GPD2: variants seen among roughly 807,000 people sequenced by gnomAD.
The protein encoded by GPD2 is glycerol-3-phosphate dehydrogenase 2, also known as glycerol-3-phosphate dehydrogenase, mitochondrial.
GPD2 carries 54 observed loss-of-function variants against 82.4 expected under a neutral mutation model. The ratio of observed to expected loss-of-function variants is 0.66; its 90% CI spans 0.53 to 0.82. The LOEUF is 0.82. GPD2 is among the 40% of genes least tolerant of loss of function. The pLI, the probability that GPD2 is intolerant of heterozygous loss-of-function variation, is 0.00. For synonymous variants in GPD2, 288 were observed against 306.1 expected (o/e 0.94, Z 0.62); for missense variants, 748 against 896.2 (o/e 0.83, Z 2.11).
intron 1 of GPD2, among the ~76,000 whole-genome samples, chr2:156,438,469 C>G (rs1428300896): frequency 6.6e-6 from 1 of 152,116 alleles, no homozygotes; most frequent in African/African-American, 2.4e-5. Context: ...CATGAATTAT[C>G]CGTACATTTT....
chr2:156,536,783 C>G (rs954000604), intron 6 of GPD2, among the ~76,000 whole-genome samples: 2 of 152,178 alleles, frequency 1.3e-5, no homozygotes, highest in African/African-American at 4.8e-5. Context: ...ATCTTAATAG[C>G]CATCCCACTC....
rs186465283 is a variant in GPD2 at position 156,584,590 on chromosome 2, T to C, written c.*1672T>C. On this transcript the variant is annotated 3_prime_UTR_variant, in exon 17 of 17. Transcript: ENST00000438166. Reference sequence around the variant, plus strand: ...GCTCATTTTGTTTTTAAATGAGGTTTTAGACGCTTGCCACTTCCTAAGGGA... The same window carrying C: ...GCTCATTTTGTTTTTAAATGAGGTTCTAGACGCTTGCCACTTCCTAAGGGA... 1 of 152,590 alleles carries C rather than the reference T, an allele frequency of 6.6e-6. No homozygotes were observed. Among genetic ancestry groups the C allele is most frequent in the African/African-American group, 2.4e-5 (1 of 41,548 alleles). 9.5% of individuals were successfully genotyped at this position (152,590 alleles called of 1,614,324 possible).
chr2:156,466,296 C>G (rs1398811539), intron 1 of GPD2, among the ~76,000 whole-genome samples: 1 of 152,184 alleles, frequency 6.6e-6, no homozygotes, highest in Non-Finnish European at 1.5e-5. Flanking sequence ...CTTGCGTGCA[C>G]TAACTATAGT....
chr2:156,456,813 G>A (rs1352415366), intron 1 of GPD2, among the ~76,000 whole-genome samples: 3 of 152,040 alleles, frequency 2.0e-5, no homozygotes, highest in African/African-American at 7.2e-5. Context: ...GGCTGTGGGA[G>A]AGTCTGAGCA....
At chr2:156,413,262 G>C in the GPD2 span, among the ~76,000 whole-genome samples, 1 of 151,978 alleles carries the variant, frequency 6.6e-6, no homozygotes, top group Admixed American at 6.6e-5. Flanking sequence ...ATTCTTTTTA[G>C]AGCTATCTTG....
At chr2:156,582,645 CTCT>C in intron 16 of GPD2, 145 bp from the exon 17 acceptor site, 1 of 819,768 alleles carries the variant, frequency 1.2e-6, no homozygotes, top group Non-Finnish European at 2.0e-6. Context: ...AAAAATTAGA[CTCT>C]TCTTATCTGA....
Position 156,441,645 on chromosome 2 carries a change from C to A in GPD2, c.-9+5132C>A, listed in dbSNP as rs1037116799. On this transcript the variant is annotated intron_variant, in intron 1 of 16. Transcript: ENST00000438166. ...AATTTGAGGATGGGGTTGTAGGAAC[C>A]CCTGATTTGTAGCTAAGTCTAACAG... Among the ~76,000 whole-genome samples the A allele has an allele frequency of 1.3e-5, 2 of 152,208 alleles. 1 individual carries two copies. The highest frequency in any genetic ancestry group is 4.8e-5 in the African/African-American group (2 of 41,530).
chr2:156,540,353 G>A (rs72905845), intron 6 of GPD2, among the ~76,000 whole-genome samples: 15 of 152,264 alleles, frequency 9.9e-5, no homozygotes, highest in East Asian at 1.9e-4. Flanking sequence ...TGAGAGCGTC[G>A]GACTGGCAAA....
intron 1 of GPD2, among the ~76,000 whole-genome samples, chr2:156,447,340 T>G (rs543674262): frequency 6.7e-6 from 1 of 150,282 alleles, no homozygotes; most frequent in Non-Finnish European, 1.5e-5. Flanking sequence ...ATCTCTCTCT[T>G]TTTTTTTTTC....
rs1323961029 is a variant in GPD2, at chr2:156,570,104, C to T, written c.1494C>T (p.Ala498=). The T allele has an allele frequency of 3.1e-6, 5 of 1,611,312 alleles. No individual in the cohort carries two copies. The highest frequency in any genetic ancestry group is 2.2e-5 in the East Asian group (1 of 44,844). Residue 498 remains alanine (A), a synonymous_variant, in exon 12 of 17, where the codon GCC becomes GCT. Coordinates refer to ENST00000438166, the MANE Select transcript of GPD2 (RefSeq NM_000408.5). Reference sequence around the variant, plus strand: ...TTCTCTAGGTGGCACAGCATCTTGCCGCCACCTATGGTGATAAGGCCTTTG... The same window carrying T: ...TTCTCTAGGTGGCACAGCATCTTGCTGCCACCTATGGTGATAAGGCCTTTG... The part of the protein sequence containing the change: ...GLESEVAQHL[A]ATYGDKAFEV...
chr2:156,448,943 C>G (rs2105150791), intron 1 of GPD2, among the ~76,000 whole-genome samples: 1 of 152,304 alleles, frequency 6.6e-6, no homozygotes, highest in Non-Finnish European at 1.5e-5. Flanking sequence ...GAATATGGTC[C>G]TTAACTCCTT....
In GPD2 at chr2:156,584,065, A is replaced by G. The variant is rs576817032; in HGVS notation, c.*1147A>G. 3.9e-5 allele frequency: 6 copies of G among 152,086 alleles called. 1 individual carries two copies. Among genetic ancestry groups the G allele is most frequent in the Admixed American group, 3.9e-4 (6 of 15,248 alleles). The allele number at this position is 152,086 out of a possible 1,614,324, so 9.4% of individuals were successfully genotyped here. ...CTTTCCCCTTCTGTACTCCATGGAA[A>G]TATTCTCAGTAAACCAAAAACAAAA... On this transcript the variant is annotated 3_prime_UTR_variant, in exon 17 of 17. Coordinates refer to ENST00000438166, the MANE Select transcript of GPD2 (RefSeq NM_000408.5).
chr2:156,409,899 G>A, the GPD2 span, among the ~76,000 whole-genome samples: 15 of 152,006 alleles, frequency 9.9e-5, no homozygotes, highest in African/African-American at 3.6e-4. Context: ...CACCAGCCTG[G>A]GTCAACACAG....
At chr2:156,459,485 G>GC (rs1682906858) in intron 1 of GPD2, among the ~76,000 whole-genome samples, 1 of 151,834 alleles carries the variant, frequency 6.6e-6, no homozygotes, top group Non-Finnish European at 1.5e-5. Context: ...AGGAGATTGA[G>GC]ACCATCCTGG....
chr2:156,548,568 G>A (rs1385154950), intron 6 of GPD2, among the ~76,000 whole-genome samples: 1 of 152,086 alleles, frequency 6.6e-6, no homozygotes, highest in Non-Finnish European at 1.5e-5. Context: ...CTTTTAGCTG[G>A]AACAGATTAC....
Position 156,523,103 on chromosome 2 carries a change from C to T in GPD2, c.661+9607C>T, listed in dbSNP as rs376210364. ...ACCTACATGGACACATCATTATCAC[C>T]CAGAGTCCATAGTCTACATGAAGTT... is the stretch of plus-strand genomic sequence containing the variant. On this transcript the variant is annotated intron_variant, in intron 6 of 16. Coordinates refer to ENST00000438166, the MANE Select transcript of GPD2 (RefSeq NM_000408.5). Among the ~76,000 whole-genome samples, 60 of 152,226 alleles carry T rather than the reference C, an allele frequency of 3.9e-4. 1 individual carries two copies. Among genetic ancestry groups the T allele is most frequent in the African/African-American group, 1.4e-3 (57 of 41,534 alleles).
At chr2:156,504,770 T>C (rs2105258861) in intron 3 of GPD2, among the ~76,000 whole-genome samples, 1 of 152,170 alleles carries the variant, frequency 6.6e-6, no homozygotes, top group South Asian at 2.1e-4. Context: ...AAATATTTAT[T>C]GACATGGGTA....
At chr2:156,434,584 A>AG (rs1213646132), upstream of GPD2, among the ~76,000 whole-genome samples, 5 of 152,200 alleles carry the variant, frequency 3.3e-5, no homozygotes, top group African/African-American at 1.2e-4. Context: ...ATCGCCTCTG[A>AG]GCATGAGTGT....
chr2:156,470,196 C>G (rs1006816567), intron 1 of GPD2, among the ~76,000 whole-genome samples: 1 of 151,710 alleles, frequency 6.6e-6, no homozygotes, highest in African/African-American at 2.4e-5. Context: ...TTTTCTTTTT[C>G]TTTTTCTTTT....
Sources: allele counts gnomAD v4.1 joint callset (sites outside exome capture counted in the v4.1 genomes callset), GRCh38; gene constraint gnomAD v4.1.1; transcripts MANE v1.5; gene names NCBI Gene and HGNC (gene_info 2026-07-23, HGNC 2026-07-21).